SLC30A8: variants seen among roughly 807,000 people sequenced by gnomAD.
The protein encoded by SLC30A8 is proton-coupled zinc antiporter SLC30A8.
SLC30A8 carries 27 observed loss-of-function variants against 36.9 expected under a neutral mutation model. The observed-to-expected ratio is 0.73, with a 90% CI of 0.54 to 1.01. The LOEUF is 1.01. Ranked by LOEUF, SLC30A8 falls within the 50% of genes least tolerant of loss-of-function variation. SLC30A8 has a pLI of 0.00. For missense variants in SLC30A8, 439 were observed against 452.0 expected (o/e 0.97, Z 0.26); for synonymous variants, 164 against 172.4 (o/e 0.95, Z 0.38).
intron 2 of SLC30A8, among the ~76,000 whole-genome samples, chr8:117,056,330 C>T (rs189507756): frequency 6.6e-6 from 1 of 152,154 alleles, no homozygotes; most frequent in Non-Finnish European, 1.5e-5. Flanking sequence ...TTCCCTTTCC[C>T]TGCTCACTTT....
At chr8:117,054,883 G>A (rs1817822856) in intron 2 of SLC30A8, among the ~76,000 whole-genome samples, 1 of 152,106 alleles carries the variant, frequency 6.6e-6, no homozygotes, top group Non-Finnish European at 1.5e-5. Context: ...CATATGACAT[G>A]TTTAAACTTA....
chr8:117,157,812 C>G lies in SLC30A8; in HGVS notation c.540C>G (p.Ile180Met), dbSNP rs146555947. ...AGATCCAGGCGACTGTGATGATCAT[C>G]GTTTCCAGCTGCGCAGTGGCGGCCA... ...DYQIQATVMI[I>M]VSSCAVAANI... Residue 180 changes from isoleucine to methionine, a missense_variant, in exon 4 of 8, where the codon ATC (isoleucine) becomes ATG (methionine). Physicochemically the swap from Ile to Met is conservative, Grantham distance 10. Transcript: ENST00000456015. 3.1e-6 allele frequency: 5 copies of G among 1,613,998 alleles called. No homozygotes were observed. In the African/African-American group the frequency reaches 5.3e-5, roughly 17 times the overall value.
chr8:116,992,269 A>G (rs1193755555), intron 1 of SLC30A8, among the ~76,000 whole-genome samples: 1 of 152,154 alleles, frequency 6.6e-6, no homozygotes, highest in African/African-American at 2.4e-5. Context: ...TTAAAGTGAA[A>G]ATGCAAATGA....
chr8:117,131,071 G>A (rs1375195221), upstream of SLC30A8, among the ~76,000 whole-genome samples: 1 of 151,634 alleles, frequency 6.6e-6, no homozygotes, highest in African/African-American at 2.4e-5. Context: ...TAGCTCAATC[G>A]CTTGAAAAAT....
chr8:117,095,435 C>T (rs1274158990), intron 2 of SLC30A8, among the ~76,000 whole-genome samples: 2 of 151,508 alleles, frequency 1.3e-5, no homozygotes, highest in African/African-American at 4.8e-5. Context: ...ACACTAGGAA[C>T]TAAAACTTGA....
intron 2 of SLC30A8, among the ~76,000 whole-genome samples, chr8:117,115,272 C>T (rs1820397572): frequency 6.6e-6 from 1 of 151,928 alleles, no homozygotes; most frequent in Non-Finnish European, 1.5e-5. Flanking sequence ...AGAAAACCAG[C>T]AGGAGGAACT....
At chr8:117,147,834 GTTTTA>G (rs1278569880) in intron 2 of SLC30A8, among the ~76,000 whole-genome samples, 27 of 152,110 alleles carry the variant, frequency 1.8e-4, no homozygotes, top group Admixed American at 7.9e-4. Flanking sequence ...ATAGATGAAT[GTTTTA>G]TTTTAATATT....
intron 1 of SLC30A8, among the ~76,000 whole-genome samples, chr8:117,017,772 TGGA>T (rs1816565186): frequency 6.6e-6 from 1 of 152,228 alleles, no homozygotes; most frequent in South Asian, 2.1e-4. Flanking sequence ...GATTCTGGGT[TGGA>T]GGAGAAGATT....
chr8:116,974,170 A>G (rs999386163), intron 1 of SLC30A8, among the ~76,000 whole-genome samples: 3 of 152,214 alleles, frequency 2.0e-5, no homozygotes, highest in Non-Finnish European at 2.9e-5. Flanking sequence ...AATGGCAACA[A>G]AAGCCAAAAT....
chr8:116,965,199 A>G (rs970705042), intron 1 of SLC30A8, among the ~76,000 whole-genome samples: 3 of 152,156 alleles, frequency 2.0e-5, no homozygotes, highest in Non-Finnish European at 4.4e-5. Context: ...TGGCCTCCCA[A>G]AGTGCTGGGA....
At chr8:116,957,794 T>G (rs1814268600) in intron 1 of SLC30A8, among the ~76,000 whole-genome samples, 1 of 152,140 alleles carries the variant, frequency 6.6e-6, no homozygotes, top group Non-Finnish European at 1.5e-5. Flanking sequence ...CATGCTGATT[T>G]TGGGTGATAT....
chr8:117,040,365 A>T (rs1369060747), intron 2 of SLC30A8, among the ~76,000 whole-genome samples: 1 of 152,242 alleles, frequency 6.6e-6, no homozygotes, highest in Admixed American at 6.5e-5. Context: ...AAAACAGGCC[A>T]TGCAAAACTA....
At chr8:117,003,952 G>A (rs575552476) in intron 1 of SLC30A8, among the ~76,000 whole-genome samples, 9 of 152,082 alleles carry the variant, frequency 5.9e-5, no homozygotes, top group Non-Finnish European at 1.3e-4. Context: ...CCAGAATATT[G>A]AATGTAAAAA....
At chr8:117,075,022 T>C in intron 2 of SLC30A8, among the ~76,000 whole-genome samples, 1 of 152,170 alleles carries the variant, frequency 6.6e-6, no homozygotes, top group Non-Finnish European at 1.5e-5. Flanking sequence ...CAGTCAATAC[T>C]GTCTAACCAG....
chr8:117,007,861 T>C (rs1261064441), intron 1 of SLC30A8, among the ~76,000 whole-genome samples: 1 of 152,194 alleles, frequency 6.6e-6, no homozygotes, highest in East Asian at 1.9e-4. Flanking sequence ...TATCTTTTAA[T>C]ATATTAAAAA....
chr8:117,123,775 G>T (rs1820785946), intron 2 of SLC30A8, among the ~76,000 whole-genome samples: 1 of 151,934 alleles, frequency 6.6e-6, no homozygotes, highest in Admixed American at 6.6e-5. Flanking sequence ...TTCACATTAA[G>T]ATCTGCTGTA....
intron 2 of SLC30A8, among the ~76,000 whole-genome samples, chr8:117,079,275 G>A (rs1818588070): frequency 6.6e-6 from 1 of 152,116 alleles, no homozygotes; most frequent in Admixed American, 6.6e-5. Flanking sequence ...CCCCTAAAGT[G>A]CTGGGATTAC....
chr8:117,007,984 G>A (rs1457390111), intron 1 of SLC30A8, among the ~76,000 whole-genome samples: 2 of 152,198 alleles, frequency 1.3e-5, no homozygotes, highest in East Asian at 3.8e-4. Flanking sequence ...GGTAATGGCT[G>A]TGCAAGCATC....
chr8:117,052,834 C>T (rs1395429128), intron 2 of SLC30A8, among the ~76,000 whole-genome samples: 1 of 151,450 alleles, frequency 6.6e-6, no homozygotes, highest in African/African-American at 2.4e-5. Context: ...TTTATTGTTT[C>T]TTAAAAACAT....
Sources: gnomAD v4.1 joint callset for allele counts (sites outside exome capture counted in the v4.1 genomes callset) on GRCh38, gnomAD v4.1.1 for gene constraint, MANE v1.5 for transcripts, NCBI Gene and HGNC (gene_info 2026-07-23, HGNC 2026-07-21) for gene names.